GRIK2: variants seen among roughly 807,000 people sequenced by gnomAD.
GRIK2 encodes glutamate ionotropic receptor kainate type subunit 2.
GRIK2 carries 32 observed loss-of-function variants against 100.3 expected under a neutral mutation model. The ratio of observed to expected loss-of-function variants is 0.32; its 90% confidence interval spans 0.24 to 0.43. The LOEUF (loss-of-function observed/expected upper bound fraction) is 0.43, where lower values mean the gene tolerates loss of function less well. Ranked by LOEUF, GRIK2 falls within the 20% of genes least tolerant of loss-of-function variation. GRIK2 has a pLI of 1.00. For missense variants in GRIK2, 843 were observed against 1,114.9 expected (o/e 0.76, Z 3.47); for synonymous variants, 417 against 389.4 (o/e 1.07, Z -0.83).
chr6:101,917,169 T>C (rs1052773879), intron 12 of GRIK2, among the ~76,000 whole-genome samples: 118 of 151,846 alleles, frequency 7.8e-4, no homozygotes, highest in African/African-American at 2.7e-3. Flanking sequence ...AGTAATTTCA[T>C]ACCCTAGAAG....
chr6:102,048,921 G>GA (rs1420916957), intron 15 of GRIK2, among the ~76,000 whole-genome samples: 3 of 151,180 alleles, frequency 2.0e-5, no homozygotes, highest in East Asian at 1.9e-4. Flanking sequence ...TATGTCATAT[G>GA]AAAAAAAAGC....
At chr6:101,681,709 A>G (rs1268206457) in intron 5 of GRIK2, among the ~76,000 whole-genome samples, 1 of 152,158 alleles carries the variant, frequency 6.6e-6, no homozygotes, top group East Asian at 1.9e-4. Context: ...TGAGGCAGCT[A>G]CTTCATAAAT....
At chr6:101,800,028 A>G (rs1267058838) in intron 8 of GRIK2, among the ~76,000 whole-genome samples, 2 of 152,104 alleles carry the variant, frequency 1.3e-5, no homozygotes, top group Admixed American at 1.3e-4. Flanking sequence ...CTGAATCTTT[A>G]TTACTTTTCC....
At chr6:101,852,608 C>T (rs1459392802) in intron 10 of GRIK2, among the ~76,000 whole-genome samples, 3 of 152,110 alleles carry the variant, frequency 2.0e-5, no homozygotes, top group South Asian at 2.1e-4. Context: ...CCGAGTAAAT[C>T]GCTCAAGTCT....
At position 101,525,786 on chromosome 6, in the gene GRIK2, A is replaced by T. The variant is rs926094978; in HGVS notation, c.116-96163A>T. Among the ~76,000 whole-genome samples the T allele has an allele frequency of 2.6e-5, 4 of 152,206 alleles. 1 individual carries two copies. The highest frequency in any genetic ancestry group is 3.9e-4 in the East Asian group (2 of 5,194). ...CTTTATGAAAATAATGTGCATGTGT[A>T]ATTACATGCTGTCAATTCTGTTACA... On this transcript the variant is annotated intron_variant, in intron 2 of 16. Coordinates refer to ENST00000369134, the MANE Select transcript of GRIK2 (RefSeq NM_021956.5).
chr6:101,753,410 C>A (rs1477260531), intron 7 of GRIK2, among the ~76,000 whole-genome samples: 3 of 151,468 alleles, frequency 2.0e-5, no homozygotes, highest in Non-Finnish European at 4.4e-5. Flanking sequence ...AGGAAGAAAT[C>A]ATTTTGTTCT....
intron 2 of GRIK2, among the ~76,000 whole-genome samples, chr6:101,520,239 C>T (rs1289516250): frequency 6.6e-6 from 1 of 151,540 alleles, no homozygotes; most frequent in Admixed American, 6.6e-5. Context: ...CAAACTTTTT[C>T]TTAAATGTAT....
chr6:101,541,462 A>C (rs1775994672), intron 2 of GRIK2, among the ~76,000 whole-genome samples: 2 of 151,146 alleles, frequency 1.3e-5, no homozygotes, highest in Non-Finnish European at 2.9e-5. Context: ...CAAACAAACA[A>C]ACTGGGATGA....
chr6:101,693,527 A>G (rs1326124122), intron 7 of GRIK2, among the ~76,000 whole-genome samples: 2 of 151,940 alleles, frequency 1.3e-5, no homozygotes, highest in Admixed American at 1.3e-4. Flanking sequence ...ACTGAAGTTC[A>G]TTGTTGTATG....
intron 14 of GRIK2, among the ~76,000 whole-genome samples, chr6:102,007,668 A>G (rs1438416716): frequency 1.3e-5 from 2 of 152,102 alleles, no homozygotes; most frequent in African/African-American, 4.8e-5. Context: ...AAATTTTCAT[A>G]TTAGATGATA....
Position 101,800,238 on chromosome 6 carries a change from T to G in GRIK2, c.1095+447T>G, listed in dbSNP as rs542348846. 5.9e-5 allele frequency among the ~76,000 whole-genome samples: 9 copies of G among 152,008 alleles called. No individual in the cohort carries two copies. In the South Asian group the frequency reaches 1.7e-3, roughly 28 times the overall value. On this transcript the variant is annotated intron_variant, in intron 8 of 16. Transcript: ENST00000369134. ...ATATTTACAATTAACAAAAATAGAA[T>G]GTATGGATTAATCAAAGTGCAAAAT...
intron 14 of GRIK2, among the ~76,000 whole-genome samples, chr6:101,956,785 A>T (rs9373625): frequency 0.46 from 68,018 of 146,594 alleles, 15,728 homozygotes; most frequent in South Asian, 0.53. Context: ...TATATATATA[A>T]AATTTTCTTA....
intron 9 of GRIK2, among the ~76,000 whole-genome samples, chr6:101,810,917 T>C (rs1204390728): frequency 6.6e-6 from 1 of 152,048 alleles, no homozygotes; most frequent in Non-Finnish European, 1.5e-5. Context: ...AAATAATAGG[T>C]ATATGAGTTA....
At chr6:102,044,703 G>A (rs1770786808) in intron 15 of GRIK2, among the ~76,000 whole-genome samples, 1 of 151,864 alleles carries the variant, frequency 6.6e-6, no homozygotes, top group African/African-American at 2.4e-5. Flanking sequence ...GGGACACAGA[G>A]CCAAACCATA....
chr6:101,786,166 C>T (rs1779408904), intron 7 of GRIK2, among the ~76,000 whole-genome samples: 1 of 151,828 alleles, frequency 6.6e-6, no homozygotes, highest in Non-Finnish European at 1.5e-5. Context: ...ATTTTGTGTT[C>T]TACAACTTTA....
intron 7 of GRIK2, among the ~76,000 whole-genome samples, chr6:101,757,828 C>A (rs1273548526): frequency 6.6e-6 from 1 of 152,182 alleles, no homozygotes; most frequent in Non-Finnish European, 1.5e-5. Context: ...AAAGCAATTT[C>A]TCTAATGTTT....
At chr6:101,586,580 C>T (rs185428076) in intron 2 of GRIK2, among the ~76,000 whole-genome samples, 1 of 151,982 alleles carries the variant, frequency 6.6e-6, no homozygotes, top group African/African-American at 2.4e-5. Flanking sequence ...AAGTCATTGA[C>T]ACTGAGAGTT....
chr6:101,626,586 G>A lies in GRIK2; in HGVS notation c.490G>A (p.Val164Met). The change falls in exon 4 of 17, where the codon GTG (valine) becomes ATG (methionine). Residue 164 changes from valine to methionine, a missense_variant. Val to Met is a conservative substitution (Grantham distance 21). Around this residue, in one of 3 missense-constraint regions of GRIK2, gnomAD observed 519 missense variants for 643.8 expected, o/e 0.81. Coordinates refer to ENST00000369134, the MANE Select transcript of GRIK2 (RefSeq NM_021956.5). Reference sequence around the variant, plus strand: ...ACTCAGCCGTGCCATTTTAGACCTGGTGCAGTTTTTCAAGTGGAAAACCGT... The same window carrying A: ...ACTCAGCCGTGCCATTTTAGACCTGATGCAGTTTTTCAAGTGGAAAACCGT... ...SSLSRAILDLVQFFKWKTVTV... is the reference protein window; with the variant it reads ...SSLSRAILDLMQFFKWKTVTV... 1 of 1,613,872 alleles carries A rather than the reference G, an allele frequency of 6.2e-7. No individual in the cohort carries two copies. The highest frequency in any genetic ancestry group is 8.5e-7 in the Non-Finnish European group (1 of 1,179,838).
At chr6:101,566,648 A>G (rs1777290404) in intron 2 of GRIK2, among the ~76,000 whole-genome samples, 1 of 151,716 alleles carries the variant, frequency 6.6e-6, no homozygotes, top group African/African-American at 2.4e-5. Context: ...AATTTCAAAT[A>G]TCATTAGTAT....
Sources: gnomAD v4.1 joint callset for allele counts (sites outside exome capture counted in the v4.1 genomes callset) on GRCh38, gnomAD v4.1.1 for gene constraint, gnomAD v4.1.1 regional missense constraint, MANE v1.5 for transcripts, NCBI Gene and HGNC (gene_info 2026-07-23, HGNC 2026-07-21) for gene names.